Variants in ENAH observed in about 807,000 individuals in gnomAD.
ENAH encodes protein enabled homolog.
A neutral mutation model predicts 78.7 loss-of-function variants in ENAH; 23 were observed. The ratio of observed to expected loss-of-function variants is 0.29; its 90% CI spans 0.21 to 0.41. The LOEUF (loss-of-function observed/expected upper bound fraction) is 0.41. Ranked by LOEUF, ENAH falls within the 10% of genes least tolerant of loss-of-function variation. The pLI, the probability that ENAH is intolerant of heterozygous loss-of-function variation, is 1.00. For synonymous variants in ENAH, 226 were observed against 241.0 expected (o/e 0.94, Z 0.58); for missense variants, 544 against 691.0 (o/e 0.79, Z 2.39).
chr1:225,538,879 T>C (rs1195435733), intron 3 of ENAH, among the ~76,000 whole-genome samples: 5 of 152,210 alleles, frequency 3.3e-5, no homozygotes, highest in African/African-American at 1.2e-4. Flanking sequence ...CATTTACCAA[T>C]GCTGTCATAC....
chr1:225,557,053 T>C (rs1178436368), intron 2 of ENAH, among the ~76,000 whole-genome samples: 1 of 152,244 alleles, frequency 6.6e-6, no homozygotes, highest in African/African-American at 2.4e-5. Context: ...ATACGAAATC[T>C]AGATGACCAT....
At chr1:225,515,296 C>A (rs546785306) in intron 6 of ENAH, 21 of 174,330 alleles carry the variant, frequency 1.2e-4, no homozygotes, top group African/African-American at 5.0e-4. Flanking sequence ...CCAAAATAAT[C>A]CACATTAACC....
intron 3 of ENAH, among the ~76,000 whole-genome samples, chr1:225,543,821 T>G (rs2096600852): frequency 6.6e-6 from 1 of 152,212 alleles, no homozygotes; most frequent in Non-Finnish European, 1.5e-5. Context: ...TTTTCATATA[T>G]GAAATACCAA....
chr1:225,608,623 C>A (rs55759067), intron 1 of ENAH, among the ~76,000 whole-genome samples: 1 of 151,668 alleles, frequency 6.6e-6, no homozygotes, highest in African/African-American at 2.4e-5. Context: ...CGAGACCAGC[C>A]TCATCAACAT....
At chr1:225,586,968 G>A (rs1278762453) in intron 1 of ENAH, among the ~76,000 whole-genome samples, 2 of 151,494 alleles carry the variant, frequency 1.3e-5, no homozygotes, top group East Asian at 1.9e-4. Flanking sequence ...GTTGGCTGGG[G>A]GACAGAAAAA....
chr1:225,645,584 T>C (rs1661815552), intron 1 of ENAH, among the ~76,000 whole-genome samples: 1 of 152,210 alleles, frequency 6.6e-6, no homozygotes, highest in Admixed American at 6.5e-5. Flanking sequence ...GTTTAACTTT[T>C]GAGGAACTGC....
At chr1:225,614,122 A>G (rs1326301738) in intron 1 of ENAH, among the ~76,000 whole-genome samples, 3 of 151,676 alleles carry the variant, frequency 2.0e-5, no homozygotes, top group Non-Finnish European at 2.9e-5. Flanking sequence ...GCAATGGCAC[A>G]ATCTCGGCTC....
At chr1:225,521,804 T>C (rs971914763) in intron 4 of ENAH, among the ~76,000 whole-genome samples, 4 of 152,092 alleles carry the variant, frequency 2.6e-5, no homozygotes, top group East Asian at 1.9e-4. Flanking sequence ...TGTTTTGTTT[T>C]TTCTTCCCCG....
chr1:225,642,845 A>G (rs1476758992), intron 1 of ENAH, among the ~76,000 whole-genome samples: 1 of 152,234 alleles, frequency 6.6e-6, no homozygotes, highest in Non-Finnish European at 1.5e-5. Flanking sequence ...TAAACAAACA[A>G]AGAGACCCTA....
At chr1:225,522,020 C>A (rs1042240866) in intron 4 of ENAH, among the ~76,000 whole-genome samples, 1 of 152,150 alleles carries the variant, frequency 6.6e-6, no homozygotes, top group Non-Finnish European at 1.5e-5. Context: ...TGGTCTCGAT[C>A]TCCTGACCTC....
At chr1:225,571,397 AAAAC>A (rs1206130483) in intron 1 of ENAH, among the ~76,000 whole-genome samples, 1 of 151,640 alleles carries the variant, frequency 6.6e-6, no homozygotes, top group Non-Finnish European at 1.5e-5. Context: ...AAAAGAAAGA[AAAAC>A]AAAAGAAAAG....
At chr1:225,553,950 C>A (rs946984612) in intron 3 of ENAH, among the ~76,000 whole-genome samples, 8 of 152,190 alleles carry the variant, frequency 5.3e-5, no homozygotes, top group Non-Finnish European at 8.8e-5. Context: ...TAGTATTTGA[C>A]AGACTAACAC....
At chr1:225,519,936 A>T (rs959356670) in intron 4 of ENAH, among the ~76,000 whole-genome samples, 4 of 152,222 alleles carry the variant, frequency 2.6e-5, no homozygotes, top group African/African-American at 9.6e-5. Flanking sequence ...TTAATATCAA[A>T]TTTAATTGTA....
intron 1 of ENAH, among the ~76,000 whole-genome samples, chr1:225,613,852 T>C (rs7515673): frequency 0.077 from 11,774 of 152,054 alleles, 1,530 homozygotes; most frequent in African/African-American, 0.27. Context: ...TATGTGGAAA[T>C]AACATCACAT....
intron 11 of ENAH, 72 bp from the exon 12 acceptor site, chr1:225,501,142 A>T (rs546691611): frequency 4.3e-6 from 5 of 1,165,888 alleles, no homozygotes; most frequent in Non-Finnish European, 6.2e-6. Flanking sequence ...ATAATTGCAA[A>T]TTTACCAACC....
chr1:225,511,456 A>G (rs774846442), intron 10 of ENAH, among the ~76,000 whole-genome samples: 3 of 152,224 alleles, frequency 2.0e-5, no homozygotes, highest in Admixed American at 6.5e-5. Flanking sequence ...TTAATTATCA[A>G]TATCACCCAA....
In ENAH at chr1:225,488,383, G is replaced by A. The variant is rs2096208605; in HGVS notation, c.*9392C>T. On this transcript the variant is annotated 3_prime_UTR_variant, in exon 14 of 14. Coordinates refer to ENST00000366843, the MANE Select transcript of ENAH (RefSeq NM_018212.6). Reference sequence around the variant, plus strand: ...GAAAGCTTCCAATGAGAACTCAGAAGGCATTCACTCTGCCTGAAGTTGTGC... The same window carrying A: ...GAAAGCTTCCAATGAGAACTCAGAAAGCATTCACTCTGCCTGAAGTTGTGC... The A allele has an allele frequency of 6.6e-6, 1 of 152,082 alleles. No individual in the cohort carries two copies. The highest frequency in any genetic ancestry group is 2.1e-4 in the South Asian group (1 of 4,828). 9.4% of individuals were successfully genotyped at this position (152,082 alleles called of 1,614,324 possible). A position where few individuals can be genotyped will look rare whatever the true frequency, so the allele number is the denominator to read the frequency against.
chr1:225,515,134 G>A lies in ENAH; in HGVS notation c.914-234C>T, dbSNP rs990407494. The A allele has an allele frequency of 8.3e-6, 4 of 482,470 alleles. No individual in the cohort carries two copies. In the Admixed American group the frequency reaches 1.7e-4, roughly 20 times the overall value. 29.9% of individuals were successfully genotyped at this position (482,470 alleles called of 1,614,324 possible). ...GTTAGAGCTTTAGTAATAGAACTAT[G>A]CAACAGATCATCTAATTAAGACTTT... On this transcript the variant is annotated intron_variant, in intron 6 of 13. Transcript: ENST00000366843.
At chr1:225,517,507 G>A in intron 5 of ENAH, 1 of 1,551,728 alleles carries the variant, frequency 6.4e-7, no homozygotes, top group East Asian at 2.4e-5. Context: ...CCCATTGGGT[G>A]CTGTCGGTGA....
Sources: allele counts gnomAD v4.1 joint callset (sites outside exome capture counted in the v4.1 genomes callset), GRCh38; gene constraint gnomAD v4.1.1; transcripts MANE v1.5; gene names NCBI Gene and HGNC (gene_info 2026-07-23, HGNC 2026-07-21).